TSPAN15: variants seen among roughly 807,000 people sequenced by gnomAD.
TSPAN15 encodes the protein tetraspanin 15, also known as tetraspanin-15.
In TSPAN15, 20 loss-of-function variants were observed where a neutral mutation model predicts 34.5. That is an observed-to-expected ratio of 0.58 (90% confidence interval 0.41 to 0.84). TSPAN15 has a LOEUF of 0.84. Among genes scored for constraint, TSPAN15 ranks in the 40% least tolerant of loss-of-function variants. The pLI is 0.00. For synonymous variants in TSPAN15, 155 were observed against 153.9 expected, an observed-to-expected ratio of 1.01 and a Z score of -0.05; for missense variants, 313 against 386.1, an observed-to-expected ratio of 0.81 and a Z score of 1.59.
chr10:69,503,744 G>C (rs1175622357), intron 5 of TSPAN15, among the ~76,000 whole-genome samples: 1 of 152,328 alleles, frequency 6.6e-6, no homozygotes, highest in East Asian at 1.9e-4. Flanking sequence ...CTCTTCCCTG[G>C]TGGTTGGAGA....
At chr10:69,497,181 C>A (rs978330645) in intron 4 of TSPAN15, among the ~76,000 whole-genome samples, 3 of 152,188 alleles carry the variant, frequency 2.0e-5, no homozygotes, top group African/African-American at 7.2e-5. Flanking sequence ...CTTTGAACTA[C>A]ATTGCAGAAA....
chr10:69,473,611 G>A (rs776419283), intron 1 of TSPAN15, among the ~76,000 whole-genome samples: 17 of 152,130 alleles, frequency 1.1e-4, no homozygotes, highest in Non-Finnish European at 2.4e-4. Context: ...CAACCCTTGG[G>A]GTTGTCATGC....
chr10:69,482,975 T>TTTG (rs965296687), intron 1 of TSPAN15, among the ~76,000 whole-genome samples: 2 of 143,796 alleles, frequency 1.4e-5, no homozygotes, highest in Non-Finnish European at 3.2e-5. Context: ...ATTTTTTTTT[T>TTTG]TTGTTGTTGT....
chr10:69,454,387 G>T (rs1014168330), intron 1 of TSPAN15, among the ~76,000 whole-genome samples: 2 of 151,908 alleles, frequency 1.3e-5, no homozygotes, highest in Non-Finnish European at 2.9e-5. Context: ...GCGTGGTGGT[G>T]TGTGCCTGTA....
intron 1 of TSPAN15, among the ~76,000 whole-genome samples, chr10:69,477,697 T>C (rs1019135802): frequency 1.3e-5 from 2 of 152,202 alleles, no homozygotes; most frequent in South Asian, 2.1e-4. Flanking sequence ...TTGTCGGCTT[T>C]GTATTTTGCA....
chr10:69,458,010 T>C (rs1841151591), intron 1 of TSPAN15, among the ~76,000 whole-genome samples: 2 of 152,202 alleles, frequency 1.3e-5, no homozygotes, highest in African/African-American at 4.8e-5. Flanking sequence ...ATCAGAGGCC[T>C]GAAGAGAAGT....
the TSPAN15 span, among the ~76,000 whole-genome samples, chr10:69,529,555 G>T: frequency 6.8e-6 from 1 of 147,460 alleles, no homozygotes; most frequent in Non-Finnish European, 1.5e-5. Context: ...TATCTCAGGG[G>T]CTTAGCACAA....
At chr10:69,490,958 G>A (rs773680281) in intron 3 of TSPAN15, among the ~76,000 whole-genome samples, 18 of 152,212 alleles carry the variant, frequency 1.2e-4, no homozygotes, top group Non-Finnish European at 2.4e-4. Flanking sequence ...CAGAGCGGTC[G>A]GCCTTACAGA....
At chr10:69,511,702 G>A (rs1842416404), downstream of TSPAN15, among the ~76,000 whole-genome samples, 1 of 152,064 alleles carries the variant, frequency 6.6e-6, no homozygotes, top group Non-Finnish European at 1.5e-5. Flanking sequence ...TTTCTCTTGT[G>A]GGCATTTAGT....
chr10:69,506,073 T>A lies in TSPAN15; in HGVS notation c.619-51T>A. 1 of 1,535,694 alleles carries A rather than the reference T, an allele frequency of 6.5e-7. No homozygotes were observed. Among genetic ancestry groups the A allele is most frequent in the Non-Finnish European group, 9.0e-7 (1 of 1,113,744 alleles). ...TACATGGCAGAGTCGGGGCTGTGGC[T>A]CCTGCCAGCCGAGGTCCTCTGCTGG... is the stretch of plus-strand genomic sequence containing the variant. On this transcript the variant is annotated intron_variant, in intron 6 of 7. Coordinates refer to ENST00000373290, the MANE Select transcript of TSPAN15 (RefSeq NM_012339.5). This position sits in a 1 kb window ranked among gnomAD's most constrained non-coding sequence, Gnocchi z 4.7.
chr10:69,495,521 G>C (rs1419458524), intron 3 of TSPAN15, 73 bp from the exon 4 acceptor site: 15 of 1,131,418 alleles, frequency 1.3e-5, no homozygotes, highest in South Asian at 7.6e-5. Context: ...ACCCATCCAG[G>C]CTTCTGGAAA....
chr10:69,458,591 C>T (rs1841167181), intron 1 of TSPAN15, among the ~76,000 whole-genome samples: 1 of 152,092 alleles, frequency 6.6e-6, no homozygotes. Context: ...GAGAAGTGGC[C>T]AGCCGTGCCT....
intron 3 of TSPAN15, among the ~76,000 whole-genome samples, chr10:69,490,654 G>A (rs1841948744): frequency 6.6e-6 from 1 of 152,224 alleles, no homozygotes; most frequent in Non-Finnish European, 1.5e-5. Flanking sequence ...CCAGGAGGCA[G>A]AGGCTGCAGT....
In TSPAN15 at chr10:69,497,362, C is replaced by T. The variant is rs185467128; in HGVS notation, c.454-918C>T. On this transcript the variant is annotated intron_variant, in intron 4 of 7. Transcript: ENST00000373290. ...GGTCCAGCCTGTGCCGCCCTTTCAT[C>T]CTCATGCTCTGCACTCTCTCTGTTC... 6.4e-4 allele frequency among the ~76,000 whole-genome samples: 97 copies of T among 152,318 alleles called. No homozygotes were observed. The East Asian group carries it at 0.019, about 29-fold the overall frequency.
At chr10:69,493,439 C>T (rs1564612513) in intron 3 of TSPAN15, among the ~76,000 whole-genome samples, 2 of 151,830 alleles carry the variant, frequency 1.3e-5, no homozygotes, top group Non-Finnish European at 2.9e-5. Flanking sequence ...TTCCTTCTGG[C>T]CACGAAGGCC....
At chr10:69,499,030 C>G (rs1842147926) in intron 5 of TSPAN15, among the ~76,000 whole-genome samples, 1 of 152,206 alleles carries the variant, frequency 6.6e-6, no homozygotes, top group East Asian at 1.9e-4. Context: ...GACGTAAATG[C>G]CATCCTCTTC....
chr10:69,464,375 A>G (rs1242603848), intron 1 of TSPAN15, among the ~76,000 whole-genome samples: 1 of 151,876 alleles, frequency 6.6e-6, no homozygotes, highest in African/African-American at 2.4e-5. Flanking sequence ...CCAAGGGGGA[A>G]GGAGTGGGGC....
chr10:69,469,973 A>G (rs1624453), intron 1 of TSPAN15, among the ~76,000 whole-genome samples: 96,609 of 152,148 alleles, frequency 0.63, 31,469 homozygotes, highest in African/African-American at 0.75. Flanking sequence ...GTCTGATGGT[A>G]TTGGAAAGCA....
chr10:69,489,646 A>T (rs1393212629), intron 3 of TSPAN15, among the ~76,000 whole-genome samples: 1 of 152,226 alleles, frequency 6.6e-6, no homozygotes, highest in African/African-American at 2.4e-5. Context: ...ACAGCCAGGC[A>T]TTGAAAGCTA....
Sources: gnomAD v4.1 joint callset for allele counts (sites outside exome capture counted in the v4.1 genomes callset) on GRCh38, gnomAD v4.1.1 for gene constraint, Gnocchi (gnomAD v3.1) non-coding constraint, MANE v1.5 for transcripts, NCBI Gene and HGNC (gene_info 2026-07-23, HGNC 2026-07-21) for gene names.